The following INTS12 variants were observed in gnomAD, a reference collection of about 807,000 sequenced individuals.
The protein encoded by INTS12 is PHD finger protein 22.
A neutral mutation model predicts 41.6 loss-of-function variants in INTS12; 13 were observed. The ratio of observed to expected loss-of-function variants is 0.31; its 90% CI spans 0.20 to 0.50. The LOEUF (loss-of-function observed/expected upper bound fraction) is 0.50, where lower values mean the gene tolerates loss of function less well. Among genes scored for constraint, INTS12 ranks in the 20% least tolerant of loss-of-function variants. INTS12 has a pLI of 0.98. For missense variants in INTS12, 432 were observed against 541.6 expected, an observed-to-expected ratio of 0.80 and a Z score of 2.01; for synonymous variants, 199 against 191.4, an observed-to-expected ratio of 1.04 and a Z score of -0.33.
intron 4 of INTS12, 47 bp downstream of exon 4, chr4:105,695,469 G>T: frequency 6.8e-7 from 1 of 1,464,854 alleles, no homozygotes; most frequent in Non-Finnish European, 9.4e-7. Flanking sequence ...TCTGCTTATG[G>T]AACAACTAAT....
At chr4:105,691,031 C>G (rs1302245335) in intron 6 of INTS12, among the ~76,000 whole-genome samples, 1 of 152,166 alleles carries the variant, frequency 6.6e-6, no homozygotes, top group Non-Finnish European at 1.5e-5. Flanking sequence ...TTTTCATTTA[C>G]TACTTTTTAT....
At chr4:105,691,195 G>T (rs901353861) in intron 6 of INTS12, among the ~76,000 whole-genome samples, 1 of 152,140 alleles carries the variant, frequency 6.6e-6, no homozygotes. Flanking sequence ...TTGATTAACA[G>T]ACATGAGAAC....
intron 3 of INTS12, 47 bp downstream of exon 3, chr4:105,699,803 T>A: frequency 7.3e-7 from 1 of 1,363,102 alleles, no homozygotes; most frequent in Non-Finnish European, 9.9e-7. Flanking sequence ...AATGTAGTAC[T>A]ACAGGCCTTA....
chr4:105,686,899 T>C (rs1731516229), intron 6 of INTS12, 61 bp from the exon 7 acceptor site: 7 of 1,449,410 alleles, frequency 4.8e-6, no homozygotes, highest in South Asian at 2.3e-5. Context: ...AGAAAGATAA[T>C]AATCCCTCAC....
intron 5 of INTS12, among the ~76,000 whole-genome samples, 170 bp downstream of exon 5, chr4:105,693,129 T>C (rs981757177): frequency 2.0e-5 from 3 of 152,220 alleles, no homozygotes; most frequent in Admixed American, 1.3e-4. Flanking sequence ...ATTTTCAATA[T>C]GCTAAATTGT....
intron 7 of INTS12, among the ~76,000 whole-genome samples, chr4:105,686,191 T>C (rs1027336425): frequency 2.6e-5 from 4 of 152,132 alleles, no homozygotes; most frequent in African/African-American, 9.7e-5. Context: ...GCCTCCCAAG[T>C]AGCTGATCAC....
chr4:105,707,663 A>G (rs1732338349), intron 1 of INTS12, among the ~76,000 whole-genome samples: 1 of 152,176 alleles, frequency 6.6e-6, no homozygotes, highest in African/African-American at 2.4e-5. Context: ...AATTCTCACA[A>G]TCTTTCGCCT....
chr4:105,698,414 C>CT (rs1288557419), intron 3 of INTS12, among the ~76,000 whole-genome samples: 1 of 152,122 alleles, frequency 6.6e-6, no homozygotes, highest in Non-Finnish European at 1.5e-5. Context: ...CTTTAAAAAC[C>CT]TATAACAAAG....
At chr4:105,702,952 C>A (rs1252064877) in intron 2 of INTS12, 2 of 984,740 alleles carry the variant, frequency 2.0e-6, no homozygotes, top group East Asian at 2.3e-4. Context: ...CGGCAAATAT[C>A]CATATAGTGA....
intron 7 of INTS12, among the ~76,000 whole-genome samples, chr4:105,686,214 T>G (rs923434085): frequency 2.0e-5 from 3 of 152,104 alleles, no homozygotes; most frequent in Non-Finnish European, 1.5e-5. Context: ...GCACCGCCAC[T>G]ATGCCTGGGA....
chr4:105,701,085 G>A (rs371369571), intron 2 of INTS12, among the ~76,000 whole-genome samples: 1 of 151,890 alleles, frequency 6.6e-6, no homozygotes, highest in Non-Finnish European at 1.5e-5. Context: ...CCATTTTCAG[G>A]GGTTTATAAC....
At position 105,706,639 on chromosome 4, in the gene INTS12, C is replaced by T. The variant is rs183425440; in HGVS notation, c.-172+1999G>A. On this transcript the variant is annotated intron_variant, in intron 1 of 7. Transcript: ENST00000340139. The stretch of plus-strand genomic sequence containing the variant: ...TTCAGTTACAACTAAAATTGAGATT[C>T]TGATTATCTTCCCGAAAAGTTCCTT... Among the ~76,000 whole-genome samples, 13 of 152,330 alleles carry T rather than the reference C, an allele frequency of 8.5e-5. No homozygotes were observed. The East Asian group carries it at 2.5e-3, about 29-fold the overall frequency.
chr4:105,694,938 T>G (rs1731807080), intron 4 of INTS12, among the ~76,000 whole-genome samples: 1 of 152,096 alleles, frequency 6.6e-6, no homozygotes, highest in South Asian at 2.1e-4. Flanking sequence ...CTTTCCTTTT[T>G]TTTTGAGACA....
chr4:105,685,364 T>C (rs1326375493), intron 7 of INTS12, among the ~76,000 whole-genome samples: 1 of 152,130 alleles, frequency 6.6e-6, no homozygotes. Context: ...AGTGATTATA[T>C]GCAGAATATA....
chr4:105,694,789 A>C (rs1731801960), intron 4 of INTS12, among the ~76,000 whole-genome samples: 2 of 152,230 alleles, frequency 1.3e-5, no homozygotes, highest in South Asian at 4.1e-4. Flanking sequence ...AACTACTAAA[A>C]TCTTAATTAC....
chr4:105,684,020 A>G (rs1015203024), intron 7 of INTS12, among the ~76,000 whole-genome samples: 2 of 152,184 alleles, frequency 1.3e-5, no homozygotes, highest in Non-Finnish European at 2.9e-5. Flanking sequence ...ATCATGTAAG[A>G]GTCTCCTGCT....
chr4:105,700,120 G>T, intron 2 of INTS12, 106 bp from the exon 3 acceptor site: 1 of 668,406 alleles, frequency 1.5e-6, no homozygotes. Context: ...CTGTACACAT[G>T]ATATAAAATT....
At chr4:105,698,708 G>A (rs936497961) in intron 3 of INTS12, among the ~76,000 whole-genome samples, 1 of 152,176 alleles carries the variant, frequency 6.6e-6, no homozygotes, top group African/African-American at 2.4e-5. Context: ...AAGAAATGAA[G>A]TCACAATGGT....
In INTS12 at chr4:105,699,881, C is replaced by T. The variant is rs759315963; in HGVS notation, c.125G>A (p.Gly42Asp). ...AGATGGACGGTAACTGGAATCAATG[C>T]CCCGAGCCAAAGATTCATCAAGCAG... is the stretch of plus-strand genomic sequence containing the variant. ...KALLDESLAR[G>D]IDSSYRPSQK... The change falls in exon 3 of 8, where the codon GGC becomes GAC. Residue 42 changes from glycine (G) to aspartate (D), a missense_variant. Transcript: ENST00000340139. The T allele has an allele frequency of 3.2e-6, 5 of 1,543,186 alleles. No individual in the cohort carries two copies. Among genetic ancestry groups the T allele is most frequent in the Non-Finnish European group, 4.4e-6 (5 of 1,132,244 alleles).
Sources: allele counts gnomAD v4.1 joint callset (sites outside exome capture counted in the v4.1 genomes callset), GRCh38; gene constraint gnomAD v4.1.1; transcripts MANE v1.5; gene names NCBI Gene and HGNC (gene_info 2026-07-23, HGNC 2026-07-21).